IL1RAPL2: variants seen among roughly 807,000 people sequenced by gnomAD.
The protein encoded by IL1RAPL2 is X-linked interleukin-1 receptor accessory protein-like 2.
IL1RAPL2 carries 3 observed loss-of-function variants against 44.1 expected under a neutral mutation model. The ratio of observed to expected loss-of-function variants is 0.07; its 90% CI spans 0.03 to 0.18. IL1RAPL2 has a LOEUF of 0.18. Among genes scored for constraint, IL1RAPL2 ranks in the 10% least tolerant of loss-of-function variants. IL1RAPL2 has a pLI of 1.00. For missense variants in IL1RAPL2, 391 were observed against 496.4 expected, an observed-to-expected ratio of 0.79 and a Z score of 2.02; for synonymous variants, 181 against 178.8, an observed-to-expected ratio of 1.01 and a Z score of -0.10.
chrX:105,289,488 C>T (rs2034596683), intron 5 of IL1RAPL2, among the ~76,000 whole-genome samples: 1 of 111,374 alleles, frequency 9.0e-6, no homozygotes, highest in Non-Finnish European at 1.9e-5. Context: ...ATGGCTTAAA[C>T]CAGGGTTTAG....
At chrX:104,741,699 G>C (rs1035544016) in intron 2 of IL1RAPL2, among the ~76,000 whole-genome samples, 2 of 110,587 alleles carry the variant, frequency 1.8e-5, no homozygotes, top group African/African-American at 6.6e-5. Context: ...GAAGAAGTTT[G>C]TTGTTGTTGT....
intron 5 of IL1RAPL2, among the ~76,000 whole-genome samples, chrX:105,312,242 A>G (rs2034803886): frequency 8.9e-6 from 1 of 112,007 alleles, no homozygotes. Flanking sequence ...CTAATAAAAC[A>G]TGAAATAAAA....
intron 1 of IL1RAPL2, among the ~76,000 whole-genome samples, chrX:104,585,404 A>ATATAT (rs1928540523): frequency 1.5e-4 from 2 of 13,540 alleles, no homozygotes; most frequent in African/African-American, 2.8e-3. Flanking sequence ...AATATATAAT[A>ATATAT]TATATATAAT....
At chrX:104,645,355 C>T (rs1569288691) in intron 1 of IL1RAPL2, among the ~76,000 whole-genome samples, 1 of 111,435 alleles carries the variant, frequency 9.0e-6, no homozygotes. Flanking sequence ...TGATCTTAAC[C>T]CCTGATCACC....
At chrX:105,191,201 T>C (rs1417126705) in intron 2 of IL1RAPL2, among the ~76,000 whole-genome samples, 9 of 111,791 alleles carry the variant, frequency 8.1e-5, no homozygotes, top group African/African-American at 3.0e-4. Context: ...AACTCAGATA[T>C]TAAAGCATTT....
intron 4 of IL1RAPL2, among the ~76,000 whole-genome samples, chrX:105,259,937 C>CA (rs2034343950): frequency 8.9e-6 from 1 of 111,769 alleles, no homozygotes; most frequent in Non-Finnish European, 1.9e-5. Context: ...AGTCAGTAGT[C>CA]ACCTTGAATT....
intron 2 of IL1RAPL2, among the ~76,000 whole-genome samples, chrX:105,031,846 C>T (rs1008131511): frequency 1.8e-5 from 2 of 111,414 alleles, no homozygotes; most frequent in African/African-American, 3.3e-5. Flanking sequence ...GCTTTGAATC[C>T]ATCTGGTCCT....
chrX:105,301,567 C>T (rs1452453940), intron 5 of IL1RAPL2, among the ~76,000 whole-genome samples: 2 of 110,445 alleles, frequency 1.8e-5, no homozygotes, highest in Admixed American at 9.7e-5. Context: ...TTCTCTATCT[C>T]CATGAGTTCA....
chrX:105,345,346 T>G (rs529879419), intron 5 of IL1RAPL2, among the ~76,000 whole-genome samples: 57 of 111,693 alleles, frequency 5.1e-4, no homozygotes, highest in Middle Eastern at 4.7e-3. Context: ...AATTAGTTCA[T>G]GCAGTGAATA....
At chrX:104,692,401 G>A (rs1175108763) in intron 2 of IL1RAPL2, among the ~76,000 whole-genome samples, 7 of 109,849 alleles carry the variant, frequency 6.4e-5, no homozygotes, top group Non-Finnish European at 1.3e-4. Context: ...TGCACAACAT[G>A]CAGGTTTGTC....
At chrX:105,740,801 A>G (rs1186226737) in intron 8 of IL1RAPL2, 110 bp downstream of exon 8, 34 of 726,404 alleles carry the variant, frequency 4.7e-5, no homozygotes, top group Non-Finnish European at 6.1e-5. Context: ...TTTATTAACC[A>G]TTTTGTCTTT....
At chrX:105,677,691 T>C (rs189195414) in intron 6 of IL1RAPL2, among the ~76,000 whole-genome samples, 59 of 111,361 alleles carry the variant, frequency 5.3e-4, no homozygotes, top group African/African-American at 1.9e-3. Context: ...TCCTCTGCTG[T>C]TTAGTAGTAC....
chrX:105,211,343 T>C (rs1556157553), intron 3 of IL1RAPL2, among the ~76,000 whole-genome samples: 1 of 111,451 alleles, frequency 9.0e-6, no homozygotes, highest in Non-Finnish European at 1.9e-5. Flanking sequence ...TGTAGAGTCA[T>C]AGCAGTCCTC....
At chrX:104,722,692 A>G (rs1931704887) in intron 2 of IL1RAPL2, among the ~76,000 whole-genome samples, 1 of 111,533 alleles carries the variant, frequency 9.0e-6, no homozygotes, top group South Asian at 3.7e-4. Context: ...GAAACTCTGT[A>G]AGAAAGCAGA....
intron 2 of IL1RAPL2, among the ~76,000 whole-genome samples, chrX:104,830,804 C>G (rs1168659625): frequency 8.9e-6 from 1 of 112,102 alleles, no homozygotes; most frequent in Non-Finnish European, 1.9e-5. Flanking sequence ...TGTACAGATT[C>G]TTTTATGTCC....
At chrX:105,133,673 G>A (rs1197253815) in intron 2 of IL1RAPL2, among the ~76,000 whole-genome samples, 2 of 111,623 alleles carry the variant, frequency 1.8e-5, no homozygotes, top group African/African-American at 3.3e-5. Context: ...CTGGAGGTTG[G>A]GAAGTCCAAG....
intron 6 of IL1RAPL2, among the ~76,000 whole-genome samples, chrX:105,518,959 A>C (rs1336867037): frequency 4.5e-5 from 5 of 111,685 alleles, no homozygotes; most frequent in Admixed American, 9.5e-5. Context: ...GCCCTGGTAG[A>C]AAAAAGATAA....
chrX:104,772,585 C>T (rs747348589), intron 2 of IL1RAPL2, among the ~76,000 whole-genome samples: 2 of 111,917 alleles, frequency 1.8e-5, no homozygotes, highest in South Asian at 7.4e-4. Flanking sequence ...GAGTGTTAGA[C>T]CAGTTTGTAT....
At chrX:105,420,650 G>T (rs751271048) in intron 5 of IL1RAPL2, among the ~76,000 whole-genome samples, 1 of 112,172 alleles carries the variant, frequency 8.9e-6, no homozygotes, top group Non-Finnish European at 1.9e-5. Flanking sequence ...CCCTCAATTA[G>T]TAGCTATGCT....
Sources: allele counts gnomAD v4.1 joint callset (sites outside exome capture counted in the v4.1 genomes callset), GRCh38; gene constraint gnomAD v4.1.1; transcripts MANE v1.5; gene names NCBI Gene and HGNC (gene_info 2026-07-23, HGNC 2026-07-21).